Variants in ZFHX3 observed in about 807,000 individuals in gnomAD.
ZFHX3 encodes zinc finger homeobox 3, also known as zinc finger homeobox protein 3.
Under a neutral mutation model 279.1 loss-of-function variants are expected in ZFHX3, and 42 were observed. The ratio of observed to expected loss-of-function variants is 0.15; its 90% CI spans 0.12 to 0.19. The LOEUF (loss-of-function observed/expected upper bound fraction) is 0.19, where lower values mean the gene tolerates loss of function less well. ZFHX3 is among the 10% of genes least tolerant of loss of function. ZFHX3 has a pLI of 1.00. For synonymous variants in ZFHX3, 2,293 were observed against 1,957.8 expected, an observed-to-expected ratio of 1.17 and a Z score of -4.52; for missense variants, 4,981 against 4,754.0, an observed-to-expected ratio of 1.05 and a Z score of -1.40.
chr16:73,382,876 T>C (rs1210610150), intron 3 of ZFHX3, among the ~76,000 whole-genome samples: 1 of 152,176 alleles, frequency 6.6e-6, no homozygotes, highest in Admixed American at 6.5e-5. Flanking sequence ...AATCCTGCCA[T>C]ACTTATCCAC....
At chr16:73,133,989 G>A (rs1966742981) in intron 6 of ZFHX3, among the ~76,000 whole-genome samples, 1 of 152,142 alleles carries the variant, frequency 6.6e-6, no homozygotes, top group South Asian at 2.1e-4. Flanking sequence ...CTTATTATGT[G>A]CCAAATACTG....
In ZFHX3 at chr16:72,788,525, C is replaced by T. The variant is rs527579284; in HGVS notation, c.9751G>A (p.Gly3251Arg). ...KEKEKAHKGK[G>R]EPLPVPKKEK... is the part of the protein sequence containing the mutation. ...TTCTTGGGGACAGGCAGGGGTTCCC[C>T]TTTCCCTTTGTGTGCCTTTTCCTTC... The change falls in exon 10 of 10, where the codon GGG becomes AGG. Residue 3251 changes from glycine (G) to arginine (R), a missense_variant. Transcript: ENST00000268489. The T allele has an allele frequency of 2.5e-6, 4 of 1,614,194 alleles. No individual in the cohort carries two copies. In the African/African-American group the frequency reaches 5.3e-5, roughly 22 times the overall value.
At chr16:72,890,123 G>A (rs940236066) in intron 3 of ZFHX3, among the ~76,000 whole-genome samples, 161 bp from the exon 4 acceptor site, 3 of 152,156 alleles carry the variant, frequency 2.0e-5, no homozygotes, top group Non-Finnish European at 4.4e-5. Flanking sequence ...CTGTGTCCCC[G>A]CCCAAAATCT....
Position 73,463,363 on chromosome 16 carries a change from A to G in ZFHX3, c.-1546-7105T>C, listed in dbSNP as rs577058135. On this transcript the variant is annotated intron_variant, in intron 2 of 17. Transcript: ENST00000641206. ...CAGTCACACAGTAGGGATCAGAAGC[A>G]GGACAGAAATCAAACTCTTAGCCAG... is the stretch of plus-strand genomic sequence containing the variant. Among the ~76,000 whole-genome samples the G allele has an allele frequency of 2.8e-3, 426 of 152,302 alleles. 8 individuals are homozygous for G. Among genetic ancestry groups the G allele is most frequent in the Non-Finnish European group, 4.6e-4 (31 of 68,022 alleles).
chr16:73,417,993 A>C (rs1461108773), intron 3 of ZFHX3, among the ~76,000 whole-genome samples: 2 of 147,896 alleles, frequency 1.4e-5, no homozygotes, highest in East Asian at 3.9e-4. Flanking sequence ...CATCTCAAAA[A>C]AAAAAAAAAA....
intron 3 of ZFHX3, among the ~76,000 whole-genome samples, chr16:73,373,534 C>T (rs978431959): frequency 6.6e-6 from 1 of 152,200 alleles, no homozygotes; most frequent in Non-Finnish European, 1.5e-5. Context: ...CTGTCCCCTT[C>T]CAGTTCAACT....
intron 3 of ZFHX3, among the ~76,000 whole-genome samples, chr16:73,403,179 G>T (rs148324032): frequency 6.6e-6 from 1 of 152,196 alleles, no homozygotes; most frequent in East Asian, 1.9e-4. Context: ...TTTCAGAAAG[G>T]GGGTCCAATT....
intron 8 of ZFHX3, chr16:73,092,667 G>A (rs936884155): frequency 1.5e-5 from 4 of 269,812 alleles, no homozygotes; most frequent in East Asian, 1.0e-4. Context: ...TCCCACTCCC[G>A]GGACACACAC....
chr16:73,257,784 G>A (rs2013701215), intron 4 of ZFHX3, among the ~76,000 whole-genome samples: 1 of 152,336 alleles, frequency 6.6e-6, no homozygotes, highest in East Asian at 1.9e-4. Flanking sequence ...TAGAAGAAAG[G>A]CCAAGGCCTA....
At chr16:73,314,996 G>C (rs1345282569) in intron 4 of ZFHX3, among the ~76,000 whole-genome samples, 1 of 152,186 alleles carries the variant, frequency 6.6e-6, no homozygotes, top group Non-Finnish European at 1.5e-5. Flanking sequence ...GGGAGGCTGA[G>C]GCAGGCGGAT....
intron 7 of ZFHX3, among the ~76,000 whole-genome samples, chr16:73,094,773 G>A (rs557328483): frequency 1.5e-4 from 23 of 152,176 alleles, no homozygotes; most frequent in Middle Eastern, 3.4e-3. Flanking sequence ...GCAGAGGTAC[G>A]AACTTGACTC....
chr16:73,585,587 G>A (rs1164453573), intron 2 of ZFHX3, among the ~76,000 whole-genome samples: 1 of 152,146 alleles, frequency 6.6e-6, no homozygotes, highest in African/African-American at 2.4e-5. Flanking sequence ...TCCAGCACAT[G>A]TATCCCAGAA....
intron 2 of ZFHX3, among the ~76,000 whole-genome samples, chr16:73,663,907 G>A (rs1389577280): frequency 6.6e-6 from 1 of 152,150 alleles, no homozygotes; most frequent in Admixed American, 6.5e-5. Flanking sequence ...TCAGTCTCAT[G>A]CACTGACACA....
At chr16:73,211,631 A>T (rs2012020858) in intron 5 of ZFHX3, among the ~76,000 whole-genome samples, 1 of 152,172 alleles carries the variant, frequency 6.6e-6, no homozygotes, top group Non-Finnish European at 1.5e-5. Flanking sequence ...GGAACTGGCA[A>T]AATTCCATGC....
rs180905017 is a variant in ZFHX3, at chr16:73,260,646, T to C, written c.-1193-3510A>G. On this transcript the variant is annotated intron_variant, in intron 4 of 17. Transcript: ENST00000641206. ...TATTTAGAAACCAAGATCCGGGTGC[T>C]AGGCATGTTCTTTGTTAGTGGTGCA... 4.6e-5 allele frequency among the ~76,000 whole-genome samples: 7 copies of C among 150,984 alleles called. No individual in the cohort carries two copies. The East Asian group carries it at 1.4e-3, about 30-fold the overall frequency.
intron 4 of ZFHX3, among the ~76,000 whole-genome samples, chr16:72,862,038 T>G (rs1431736290): frequency 6.6e-6 from 1 of 152,094 alleles, no homozygotes; most frequent in African/African-American, 2.4e-5. Flanking sequence ...TAGATAGAAC[T>G]GGAATTTTCT....
intron 2 of ZFHX3, among the ~76,000 whole-genome samples, chr16:73,556,407 A>G (rs899460763): frequency 9.2e-5 from 14 of 152,222 alleles, no homozygotes; most frequent in African/African-American, 3.1e-4. Context: ...GTTCTGATTC[A>G]AAATACAAAT....
intron 3 of ZFHX3, among the ~76,000 whole-genome samples, chr16:73,419,205 G>C (rs1203611325): frequency 1.3e-5 from 2 of 152,184 alleles, no homozygotes; most frequent in African/African-American, 4.8e-5. Flanking sequence ...TAATTATTGA[G>C]TGACTTTTAT....
chr16:72,949,821 C>A (rs1297695677), intron 3 of ZFHX3, among the ~76,000 whole-genome samples: 5 of 151,050 alleles, frequency 3.3e-5, no homozygotes, highest in African/African-American at 1.2e-4. Context: ...GCATTTAGCA[C>A]CTTCTAGCCT....
Sources: allele counts gnomAD v4.1 joint callset (sites outside exome capture counted in the v4.1 genomes callset), GRCh38; gene constraint gnomAD v4.1.1; transcripts MANE v1.5; gene names NCBI Gene and HGNC (gene_info 2026-07-23, HGNC 2026-07-21).